RNF145: variants seen among roughly 807,000 people sequenced by gnomAD.
RNF145 encodes the protein ring finger protein 145.
In RNF145, 12 loss-of-function variants were observed where a neutral mutation model predicts 57.3. The ratio of observed to expected loss-of-function variants is 0.21; its 90% CI spans 0.13 to 0.34. The LOEUF (loss-of-function observed/expected upper bound fraction) is 0.34. Ranked by LOEUF, RNF145 falls within the 10% of genes least tolerant of loss-of-function variation. RNF145 has a pLI of 1.00. For synonymous variants in RNF145, 262 were observed against 288.3 expected, an observed-to-expected ratio of 0.91 and a Z score of 0.92; for missense variants, 429 against 799.0, an observed-to-expected ratio of 0.54 and a Z score of 5.58.
intron 1 of RNF145, among the ~76,000 whole-genome samples, chr5:159,206,982 T>C (rs1358584447): frequency 2.0e-5 from 3 of 151,512 alleles, no homozygotes; most frequent in Admixed American, 6.6e-5. Flanking sequence ...AAGGCATTTC[T>C]TTCCAAAAAC....
At chr5:159,203,401 TA>T (rs1562077620) in intron 2 of RNF145, 32 bp downstream of exon 2, 6 of 1,429,028 alleles carry the variant, frequency 4.2e-6, no homozygotes, top group Admixed American at 3.4e-5. Flanking sequence ...GAATGCTCAC[TA>T]GAAGATTAGA....
At chr5:159,177,485 T>C (rs916114874) in intron 4 of RNF145, among the ~76,000 whole-genome samples, 1 of 152,062 alleles carries the variant, frequency 6.6e-6, no homozygotes, top group Non-Finnish European at 1.5e-5. Flanking sequence ...CAGTCTCTTA[T>C]AATCCCACAA....
intron 2 of RNF145, among the ~76,000 whole-genome samples, chr5:159,201,713 G>A (rs1439536338): frequency 6.6e-6 from 1 of 151,990 alleles, no homozygotes; most frequent in Non-Finnish European, 1.5e-5. Context: ...AAAAAGGGGG[G>A]AAATATACAT....
chr5:159,208,200 CGCAGCAGCAGTA>C, intron 1 of RNF145: 1 of 1,332,380 alleles, frequency 7.5e-7, no homozygotes, highest in Non-Finnish European at 9.7e-7. Context: ...AAGCAGGCAG[CGCAGCAGCAGTA>C]GCAGCAGCAA....
chr5:159,166,097 T>A (rs1239294640), intron 8 of RNF145, among the ~76,000 whole-genome samples: 1 of 152,174 alleles, frequency 6.6e-6, no homozygotes, highest in Non-Finnish European at 1.5e-5. Context: ...ATTGGCAGAT[T>A]TTTTCCCTCC....
intron 2 of RNF145, among the ~76,000 whole-genome samples, chr5:159,202,896 A>G (rs1000127447): frequency 6.6e-6 from 1 of 150,400 alleles, no homozygotes; most frequent in Non-Finnish European, 1.5e-5. Context: ...TGATAGTTCC[A>G]TTTTTCTTGA....
chr5:159,189,090 T>C (rs1275655094), intron 3 of RNF145, among the ~76,000 whole-genome samples: 2 of 152,108 alleles, frequency 1.3e-5, no homozygotes, highest in Non-Finnish European at 2.9e-5. Context: ...TATTTGTAAA[T>C]TATAGATCTG....
intron 2 of RNF145, among the ~76,000 whole-genome samples, chr5:159,201,180 G>A (rs1384957652): frequency 6.6e-6 from 1 of 152,072 alleles, no homozygotes; most frequent in Non-Finnish European, 1.5e-5. Flanking sequence ...CAAAACCCAC[G>A]TATACAGAGG....
At chr5:159,204,951 T>C (rs1785821256) in intron 1 of RNF145, among the ~76,000 whole-genome samples, 1 of 152,182 alleles carries the variant, frequency 6.6e-6, no homozygotes, top group Non-Finnish European at 1.5e-5. Flanking sequence ...TAGCAGTAAT[T>C]TCAGACATTA....
At chr5:159,192,529 C>T (rs934970341) in intron 3 of RNF145, among the ~76,000 whole-genome samples, 1 of 152,090 alleles carries the variant, frequency 6.6e-6, no homozygotes, top group African/African-American at 2.4e-5. Context: ...TATGGCTATA[C>T]ATAAAATACC....
At chr5:159,169,138 G>T in intron 7 of RNF145, 83 bp from the exon 8 acceptor site, 1 of 1,097,434 alleles carries the variant, frequency 9.1e-7, no homozygotes, top group Non-Finnish European at 1.3e-6. Context: ...CAAAGGCTTA[G>T]ACTCTTGTTA....
intron 3 of RNF145, among the ~76,000 whole-genome samples, chr5:159,184,700 A>T (rs893206731): frequency 1.3e-5 from 2 of 152,134 alleles, no homozygotes; most frequent in Non-Finnish European, 2.9e-5. Flanking sequence ...TTTATCTTAA[A>T]TACTACTTAT....
At chr5:159,160,799 C>G (rs1051745432) in intron 10 of RNF145, among the ~76,000 whole-genome samples, 1 of 152,176 alleles carries the variant, frequency 6.6e-6, no homozygotes. Flanking sequence ...CTTGTACCCT[C>G]GGATACTTAG....
At chr5:159,180,999 G>A (rs1190079657) in intron 4 of RNF145, among the ~76,000 whole-genome samples, 5 of 151,900 alleles carry the variant, frequency 3.3e-5, no homozygotes, top group Admixed American at 6.6e-5. Context: ...CTCCTCAGGC[G>A]ACGGATGCAC....
Position 159,161,618 on chromosome 5 carries a change from AGAACCTG to A in RNF145, c.1270-3_1273del. ...TAAGACATAAATAAAAAGTGTTCCC[AGAACCTG>A]AAAAAAAAAAAAAAATGTACGTATC... is the stretch of plus-strand genomic sequence containing the variant. On this transcript the variant is annotated splice_acceptor_variant and splice_polypyrimidine_tract_variant and coding_sequence_variant and intron_variant, in exon 10 of 11. Coordinates refer to ENST00000424310, the MANE Select transcript of RNF145 (RefSeq NM_001199383.2). LOFTEE classifies it high-confidence loss of function. 6.8e-7 allele frequency: 1 copy of A among 1,467,446 alleles called. No individual in the cohort carries two copies. The highest frequency in any genetic ancestry group is 2.3e-5 in the Admixed American group (1 of 42,612). The allele number at this position is 1,467,446 out of a possible 1,614,324, so 90.9% of individuals were successfully genotyped here. A position where few individuals can be genotyped will look rare whatever the true frequency, so the allele number is the denominator to read the frequency against.
Position 159,209,200 on chromosome 5 carries a change from T to C in RNF145, c.-40+31A>G, listed in dbSNP as rs570862004. On this transcript the variant is annotated intron_variant, in intron 1 of 10. Transcript: ENST00000424310. ...GGGAAGCGGCCGGGGGGCGCGGGGA[T>C]GGGAAGGGGCCGGGCGGGCGGCGTG... 3.7e-4 allele frequency: 307 copies of C among 833,282 alleles called. No homozygotes were observed. The African/African-American group carries it at 0.01, about 27-fold the overall frequency. 51.6% of individuals were successfully genotyped at this position (833,282 alleles called of 1,614,324 possible).
At chr5:159,199,206 C>T (rs1333362377) in intron 2 of RNF145, among the ~76,000 whole-genome samples, 2 of 152,064 alleles carry the variant, frequency 1.3e-5, no homozygotes, top group Non-Finnish European at 2.9e-5. Context: ...CTCCAGACTA[C>T]AGTGGTCAAA....
At chr5:159,193,767 T>C (rs1785362475) in intron 3 of RNF145, among the ~76,000 whole-genome samples, 1 of 152,202 alleles carries the variant, frequency 6.6e-6, no homozygotes, top group Non-Finnish European at 1.5e-5. Flanking sequence ...AATGTAAAAA[T>C]GCTACTTCTA....
intron 2 of RNF145, among the ~76,000 whole-genome samples, chr5:159,200,255 T>TA (rs957907483): frequency 1.3e-5 from 2 of 149,522 alleles, no homozygotes; most frequent in African/African-American, 4.9e-5. Context: ...AAACTAACCA[T>TA]AAAAAAAAAG....
Sources: gnomAD v4.1 joint callset for allele counts (sites outside exome capture counted in the v4.1 genomes callset) on GRCh38, gnomAD v4.1.1 for gene constraint, MANE v1.5 for transcripts, NCBI Gene and HGNC (gene_info 2026-07-23, HGNC 2026-07-21) for gene names.